Variants in CLASP1 observed in about 807,000 individuals in gnomAD.
CLASP1 encodes the protein CLIP-associating protein 1.
A neutral mutation model predicts 192.3 loss-of-function variants in CLASP1; 38 were observed. The observed-to-expected ratio is 0.20, with a 90% CI of 0.15 to 0.26. The LOEUF (loss-of-function observed/expected upper bound fraction) is 0.26, where lower values mean the gene tolerates loss of function less well. Ranked by LOEUF, CLASP1 falls within the 10% of genes least tolerant of loss-of-function variation. The pLI, the probability that CLASP1 is intolerant of heterozygous loss-of-function variation, is 1.00. For synonymous variants in CLASP1, 691 were observed against 712.8 expected, an observed-to-expected ratio of 0.97 and a Z score of 0.49; for missense variants, 1,433 against 1,932.5, an observed-to-expected ratio of 0.74 and a Z score of 4.85.
intron 39 of CLASP1, among the ~76,000 whole-genome samples, chr2:121,343,798 C>T (rs2063090044): frequency 1.3e-5 from 2 of 152,100 alleles, no homozygotes; most frequent in Admixed American, 1.3e-4. Context: ...TACAATGGGT[C>T]GGATGAGGTG....
chr2:121,339,131 C>CCACACA (rs3839033), exon 40 of CLASP1: 4,193 of 143,632 alleles, frequency 0.029, 92 homozygotes, highest in East Asian at 0.096. Context: ...ACACACAACA[C>CCACACA]CACACACACA....
chr2:121,401,426 C>T, intron 28 of CLASP1, 83 bp downstream of exon 29: 2 of 1,069,880 alleles, frequency 1.9e-6, no homozygotes, highest in East Asian at 2.4e-5. Flanking sequence ...GTGACAAAGG[C>T]CATGGGTAAC....
intron 37 of CLASP1, among the ~76,000 whole-genome samples, chr2:121,357,148 T>G (rs1331357076): frequency 6.6e-6 from 1 of 152,174 alleles, no homozygotes; most frequent in African/African-American, 2.4e-5. Flanking sequence ...AAAGCAGTAG[T>G]CAAAAAATAC....
chr2:121,499,222 G>C (rs1481644192), intron 8 of CLASP1, among the ~76,000 whole-genome samples: 4 of 152,092 alleles, frequency 2.6e-5, no homozygotes, highest in Non-Finnish European at 5.9e-5. Context: ...ATCACACAAT[G>C]GAATCTTGTT....
intron 1 of CLASP1, among the ~76,000 whole-genome samples, chr2:121,646,210 T>C (rs1309407956): frequency 6.6e-5 from 10 of 152,134 alleles, no homozygotes; most frequent in Admixed American, 6.6e-4. Context: ...CCTCCCAGAC[T>C]CAGGAGATCC....
intron 31 of CLASP1, 33 bp downstream of exon 32, chr2:121,387,725 GACATC>G: frequency 6.2e-7 from 1 of 1,608,250 alleles, no homozygotes; most frequent in Non-Finnish European, 8.5e-7. Flanking sequence ...AGAGGTCATG[GACATC>G]ACATAGGCAC....
intron 6 of CLASP1, among the ~76,000 whole-genome samples, chr2:121,516,906 C>A (rs1367161115): frequency 6.6e-6 from 1 of 152,180 alleles, no homozygotes; most frequent in Non-Finnish European, 1.5e-5. Context: ...GTGCATGCAC[C>A]TGTAATCCCA....
chr2:121,443,309 G>C (rs1049355894), intron 19 of CLASP1, among the ~76,000 whole-genome samples: 6 of 151,782 alleles, frequency 4.0e-5, no homozygotes, highest in Non-Finnish European at 7.4e-5. Flanking sequence ...AAAAGTCCTA[G>C]GGCTGGATGG....
At chr2:121,496,710 G>A (rs1321603023) in intron 8 of CLASP1, among the ~76,000 whole-genome samples, 3 of 152,158 alleles carry the variant, frequency 2.0e-5, no homozygotes, top group Non-Finnish European at 4.4e-5. Flanking sequence ...ACAGTCCAAT[G>A]CCGAGATAGG....
chr2:121,498,924 G>A (rs1442339890), intron 8 of CLASP1, among the ~76,000 whole-genome samples: 1 of 152,192 alleles, frequency 6.6e-6, no homozygotes, highest in East Asian at 1.9e-4. Context: ...AATGACAATT[G>A]TTGGCGAGGA....
intron 30 of CLASP1, among the ~76,000 whole-genome samples, chr2:121,389,075 CA>C (rs2073868377): frequency 6.6e-6 from 1 of 151,922 alleles, no homozygotes; most frequent in Admixed American, 6.6e-5. Context: ...AAAAGAAATC[CA>C]AAAACCCAAA....
intron 19 of CLASP1, among the ~76,000 whole-genome samples, chr2:121,433,755 C>CAA (rs1389633153): frequency 6.6e-6 from 1 of 152,074 alleles, no homozygotes; most frequent in South Asian, 2.1e-4. Flanking sequence ...GACTCTGTCT[C>CAA]AAAAAGAAAA....
chr2:121,444,903 T>C, intron 19 of CLASP1: 2 of 1,329,638 alleles, frequency 1.5e-6, no homozygotes, highest in South Asian at 2.4e-5. Flanking sequence ...CCAGAGAAAG[T>C]GAGACACACC....
intron 15 of CLASP1, 115 bp downstream of exon 15, chr2:121,451,675 A>G: frequency 1.3e-6 from 1 of 760,344 alleles, no homozygotes; most frequent in East Asian, 2.7e-5. Context: ...CGTAGTCATG[A>G]AAACAAACGC....
In CLASP1 at chr2:121,450,867, A is replaced by G. The variant is rs1216022448; in HGVS notation, c.1523+46T>C. On this transcript the variant is annotated intron_variant, in intron 16 of 39. Coordinates refer to ENST00000263710, the Ensembl canonical transcript of CLASP1. ...AAGGCAATCCTATAATTCATGTGAA[A>G]TATAGAAGAAGTTAATTTAAAAAGT... 3 of 1,278,482 alleles carry G rather than the reference A, an allele frequency of 2.3e-6. No homozygotes were observed. In the South Asian group the frequency reaches 3.7e-5, roughly 16 times the overall value. The allele number at this position is 1,278,482 out of a possible 1,614,324, so 79.2% of individuals were successfully genotyped here.
chr2:121,462,040 C>T (rs558056833), intron 10 of CLASP1, among the ~76,000 whole-genome samples: 8 of 152,106 alleles, frequency 5.3e-5, no homozygotes, highest in East Asian at 1.9e-4. Flanking sequence ...CAGCAACAGA[C>T]GATACTAAGG....
chr2:121,586,735 ATCC>A (rs2061755661), intron 2 of CLASP1, among the ~76,000 whole-genome samples: 1 of 152,100 alleles, frequency 6.6e-6, no homozygotes, highest in Non-Finnish European at 1.5e-5. Flanking sequence ...GTGAGCATAA[ATCC>A]TCCTCCTTCA....
At chr2:121,626,640 G>A (rs1270828425) in intron 1 of CLASP1, among the ~76,000 whole-genome samples, 10 of 151,930 alleles carry the variant, frequency 6.6e-5, no homozygotes, top group Admixed American at 6.6e-4. Context: ...GCCCATGCTG[G>A]TCTTGAACTC....
At chr2:121,381,895 A>G (rs1004807236) in intron 33 of CLASP1, among the ~76,000 whole-genome samples, 14 of 152,200 alleles carry the variant, frequency 9.2e-5, no homozygotes, top group Admixed American at 2.6e-4. Context: ...CTGACCTCAC[A>G]GCATTTCCTG....
Sources: gnomAD v4.1 joint callset for allele counts (sites outside exome capture counted in the v4.1 genomes callset) on GRCh38, gnomAD v4.1.1 for gene constraint, MANE v1.5 for transcripts, NCBI Gene and HGNC (gene_info 2026-07-23, HGNC 2026-07-21) for gene names.